UGT2A2: variants seen among roughly 807,000 people sequenced by gnomAD.
The protein encoded by UGT2A2 is UDP-glucuronosyltransferase 2A2.
In UGT2A2, 60 loss-of-function variants were observed where a neutral mutation model predicts 50.7. The ratio of observed to expected loss-of-function variants is 1.18; its 90% CI spans 0.96 to 1.47. The LOEUF is 1.47. Among genes scored for constraint, UGT2A2 ranks in the 40% most tolerant of loss-of-function variants. UGT2A2 has a pLI of 0.00. For missense variants in UGT2A2, 762 were observed against 634.0 expected (o/e 1.20, Z -2.17); for synonymous variants, 242 against 214.6 (o/e 1.13, Z -1.11).
chr4:69,637,766 A>T (rs1328465192), intron 1 of UGT2A2, among the ~76,000 whole-genome samples: 1 of 152,056 alleles, frequency 6.6e-6, no homozygotes, highest in Non-Finnish European at 1.5e-5. Context: ...AGAGAATTTG[A>T]TCTGTTTTGC....
At chr4:69,610,925 C>T (rs147535925) in intron 1 of UGT2A2, among the ~76,000 whole-genome samples, 1 of 152,224 alleles carries the variant, frequency 6.6e-6, no homozygotes, top group African/African-American at 2.4e-5. Context: ...TTTTCATACC[C>T]AGTATAACCT....
rs1013250534 is a variant in UGT2A2 at position 69,589,258 on chromosome 4, A to G, written c.*114T>C. The G allele has an allele frequency of 7.6e-7, 1 of 1,315,680 alleles. No individual in the cohort carries two copies. The highest frequency in any genetic ancestry group is 2.6e-5 in the East Asian group (1 of 39,038). 81.5% of individuals were successfully genotyped at this position (1,315,680 alleles called of 1,614,324 possible). A position where few individuals can be genotyped will look rare whatever the true frequency, so the allele number is the denominator to read the frequency against. On this transcript the variant is annotated 3_prime_UTR_variant, in exon 6 of 6. Transcript: ENST00000604629. ...GCAGGTAGAGAAATAGAAAATTTGGAAACAGGATGGGAGACGTGTTTTTGT... is the reference window on the plus strand; with the variant it reads ...GCAGGTAGAGAAATAGAAAATTTGGGAACAGGATGGGAGACGTGTTTTTGT...
At chr4:69,607,251 C>A (rs993026249) in intron 1 of UGT2A2, among the ~76,000 whole-genome samples, 4 of 150,242 alleles carry the variant, frequency 2.7e-5, no homozygotes, top group Admixed American at 2.0e-4. Context: ...ACAGAGCCCT[C>A]AGAAATAATG....
chr4:69,624,520 T>C (rs1317407620), intron 1 of UGT2A2, among the ~76,000 whole-genome samples: 1 of 151,428 alleles, frequency 6.6e-6, no homozygotes, highest in Admixed American at 6.6e-5. Context: ...TTAAGTTACC[T>C]CATCTCTTTT....
chr4:69,606,383 T>A (rs553124708), intron 1 of UGT2A2, among the ~76,000 whole-genome samples: 1 of 136,742 alleles, frequency 7.3e-6, no homozygotes, highest in East Asian at 2.1e-4. Flanking sequence ...CGCTTCATGC[T>A]AAAAACTCTC....
intron 1 of UGT2A2, among the ~76,000 whole-genome samples, chr4:69,624,475 T>C (rs1353605453): frequency 1.3e-5 from 2 of 151,542 alleles, no homozygotes; most frequent in African/African-American, 4.8e-5. Context: ...ATTATCTACA[T>C]GTTTGAGTTG....
intron 5 of UGT2A2, among the ~76,000 whole-genome samples, chr4:69,594,267 C>T (rs1377142066): frequency 6.6e-6 from 1 of 152,108 alleles, no homozygotes; most frequent in Admixed American, 6.5e-5. Context: ...AGCCACTGCG[C>T]CCGGCCAATA....
At chr4:69,622,681 A>G (rs1258010781) in intron 1 of UGT2A2, among the ~76,000 whole-genome samples, 1 of 151,748 alleles carries the variant, frequency 6.6e-6, no homozygotes, top group African/African-American at 2.4e-5. Flanking sequence ...TGAGGATTTC[A>G]TGTGTTATGA....
chr4:69,635,501 G>A (rs1315233802), intron 1 of UGT2A2, among the ~76,000 whole-genome samples: 2 of 152,130 alleles, frequency 1.3e-5, no homozygotes, highest in Non-Finnish European at 2.9e-5. Flanking sequence ...CTATCTATTT[G>A]CTGTACAGCA....
chr4:69,607,576 A>C (rs1178195397), intron 1 of UGT2A2, among the ~76,000 whole-genome samples: 1 of 152,116 alleles, frequency 6.6e-6, no homozygotes, highest in African/African-American at 2.4e-5. Flanking sequence ...AATGGGATCT[A>C]ATTAAACTAA....
intron 1 of UGT2A2, among the ~76,000 whole-genome samples, chr4:69,629,405 T>C (rs1010743872): frequency 2.6e-5 from 4 of 152,100 alleles, no homozygotes; most frequent in African/African-American, 9.7e-5. Context: ...TCCAATCTTT[T>C]GGAATACAGT....
chr4:69,637,866 G>C lies in UGT2A2; in HGVS notation c.742+1033C>G, dbSNP rs558955165. 8.3e-4 allele frequency among the ~76,000 whole-genome samples: 125 copies of C among 151,148 alleles called. 1 individual carries two copies. Among genetic ancestry groups the C allele is most frequent in the African/African-American group, 3.0e-3 (123 of 41,174 alleles). On this transcript the variant is annotated intron_variant, in intron 1 of 5. Transcript: ENST00000604629. Reference sequence around the variant, plus strand: ...TTTTTTACACAAAGTAAACAAGAGAGAATGAAGGAAGAAAAGTAAAAAAGG... The same window carrying C: ...TTTTTTACACAAAGTAAACAAGAGACAATGAAGGAAGAAAAGTAAAAAAGG...
At chr4:69,620,288 C>G (rs560441574) in intron 1 of UGT2A2, among the ~76,000 whole-genome samples, 57 of 126,038 alleles carry the variant, frequency 4.5e-4, no homozygotes, top group African/African-American at 1.7e-3. Context: ...AGTAAAGTTT[C>G]AGGAAAAAAA....
At chr4:69,620,207 A>G (rs1468794421) in intron 1 of UGT2A2, among the ~76,000 whole-genome samples, 4 of 152,012 alleles carry the variant, frequency 2.6e-5, no homozygotes, top group Admixed American at 1.3e-4. Context: ...TGGTTCACAC[A>G]CAACATGATT....
chr4:69,605,383 G>A (rs1258107653), intron 1 of UGT2A2, among the ~76,000 whole-genome samples: 1 of 136,700 alleles, frequency 7.3e-6, no homozygotes, highest in Non-Finnish European at 1.6e-5. Context: ...CGACAACAAA[G>A]ACACAACATA....
intron 1 of UGT2A2, among the ~76,000 whole-genome samples, chr4:69,625,888 T>C (rs1369105079): frequency 6.6e-6 from 1 of 151,526 alleles, no homozygotes; most frequent in African/African-American, 2.4e-5. Flanking sequence ...TTAACCCAGA[T>C]ACAAGTATAA....
At chr4:69,607,407 CA>C (rs1209574016) in intron 1 of UGT2A2, among the ~76,000 whole-genome samples, 1 of 151,870 alleles carries the variant, frequency 6.6e-6, no homozygotes, top group African/African-American at 2.4e-5. Context: ...ACACCTTATA[CA>C]AAAATTAATT....
At chr4:69,636,890 T>C (rs1261436294) in intron 1 of UGT2A2, among the ~76,000 whole-genome samples, 1 of 152,174 alleles carries the variant, frequency 6.6e-6, no homozygotes, top group Non-Finnish European at 1.5e-5. Context: ...AAGTTTCAGT[T>C]ACTTGTCTGA....
rs1167597077 is a variant in UGT2A2, at chr4:69,589,511, G to A, written c.1472C>T (p.Thr491Ile). 3 of 1,614,086 alleles carry A rather than the reference G, an allele frequency of 1.9e-6. No homozygotes were observed. The highest frequency in any genetic ancestry group is 1.7e-6 in the Non-Finnish European group (2 of 1,180,008). The change falls in exon 6 of 6, where the codon ACC (threonine) becomes ATC (isoleucine). Residue 491 changes from threonine (T) to isoleucine (I), a missense_variant. Physicochemically the swap from Thr to Ile is moderately conservative, Grantham distance 89. Transcript: ENST00000604629. ...ATCCAAAGAGTGGTACTGGAACCAG[G>A]TGAGGTCATGGGCTGCAACCCGAAG... ...KHLRVAAHDLTWFQYHSLDVI... is the reference protein window; with the variant it reads ...KHLRVAAHDLIWFQYHSLDVI...
Sources: allele counts gnomAD v4.1 joint callset (sites outside exome capture counted in the v4.1 genomes callset), GRCh38; gene constraint gnomAD v4.1.1; transcripts MANE v1.5; gene names NCBI Gene and HGNC (gene_info 2026-07-23, HGNC 2026-07-21).